Variants in PRKAR1B observed in about 807,000 individuals in gnomAD.
PRKAR1B encodes cAMP-dependent protein kinase type I-beta regulatory subunit.
A neutral mutation model predicts 46.5 loss-of-function variants in PRKAR1B; 22 were observed. That is an observed-to-expected ratio of 0.47 (90% CI 0.34 to 0.68). The LOEUF (loss-of-function observed/expected upper bound fraction) is 0.68. Among genes scored for constraint, PRKAR1B ranks in the 30% least tolerant of loss-of-function variants. PRKAR1B has a pLI of 0.01. For missense variants in PRKAR1B, 445 were observed against 535.6 expected (o/e 0.83, Z 1.67); for synonymous variants, 259 against 217.7 (o/e 1.19, Z -1.67).
At chr7:724,309 G>A (rs908514031) in intron 1 of PRKAR1B, among the ~76,000 whole-genome samples, 1 of 152,172 alleles carries the variant, frequency 6.6e-6, no homozygotes, top group Non-Finnish European at 1.5e-5. Flanking sequence ...CGTGTTGTGG[G>A]AAGGACCCAG....
At chr7:583,941 C>T (rs111510449) in intron 8 of PRKAR1B, among the ~76,000 whole-genome samples, 14,922 of 152,260 alleles carry the variant, frequency 0.098, 929 homozygotes, top group African/African-American at 0.15. Context: ...GCTTCAGCAG[C>T]GTCTTTCCTG....
At chr7:710,114 C>T (rs1780541124) in intron 2 of PRKAR1B, among the ~76,000 whole-genome samples, 1 of 152,168 alleles carries the variant, frequency 6.6e-6, no homozygotes, top group Admixed American at 6.5e-5. Context: ...TATATTCACT[C>T]CTTTGGGTTA....
chr7:706,117 G>A (rs1055209201), intron 2 of PRKAR1B, among the ~76,000 whole-genome samples: 33 of 152,154 alleles, frequency 2.2e-4, no homozygotes, highest in Non-Finnish European at 4.3e-4. Context: ...CTTGAGCTCA[G>A]GAGTTCAAGA....
chr7:690,544 A>T (rs138403501), intron 2 of PRKAR1B, among the ~76,000 whole-genome samples: 1 of 152,330 alleles, frequency 6.6e-6, no homozygotes, highest in African/African-American at 2.4e-5. Flanking sequence ...ATCAGGGTGG[A>T]ATTTCTTCAG....
At chr7:653,762 A>G (rs374423602) in intron 4 of PRKAR1B, among the ~76,000 whole-genome samples, 177 of 152,306 alleles carry the variant, frequency 1.2e-3, no homozygotes, top group African/African-American at 4.2e-3. Flanking sequence ...AAAGCACAAC[A>G]AGAGGCCAAA....
chr7:634,987 C>G (rs1382193859), intron 4 of PRKAR1B, among the ~76,000 whole-genome samples: 1 of 152,194 alleles, frequency 6.6e-6, no homozygotes, highest in African/African-American at 2.4e-5. Flanking sequence ...GTAAAAATAA[C>G]AGTATGCGAA....
chr7:712,287 C>A (rs1373260164), intron 1 of PRKAR1B: 1 of 149,930 alleles, frequency 6.7e-6, no homozygotes, highest in Non-Finnish European at 1.5e-5. Context: ...TGACCGGGAG[C>A]CCCAGGCCCG....
chr7:556,742 A>T (rs1778469942), intron 9 of PRKAR1B, among the ~76,000 whole-genome samples: 1 of 152,022 alleles, frequency 6.6e-6, no homozygotes, highest in Non-Finnish European at 1.5e-5. Flanking sequence ...TCGACCCTCC[A>T]CCTTTAAGGT....
chr7:617,104 C>T (rs1562565911), intron 4 of PRKAR1B, among the ~76,000 whole-genome samples: 1 of 151,520 alleles, frequency 6.6e-6, no homozygotes, highest in African/African-American at 2.4e-5. Context: ...AGCAATTCTC[C>T]TGCCTCAGCC....
At chr7:618,998 C>T (rs1201956322) in intron 4 of PRKAR1B, among the ~76,000 whole-genome samples, 1 of 152,176 alleles carries the variant, frequency 6.6e-6, no homozygotes, top group African/African-American at 2.4e-5. Context: ...TACTCTCCGA[C>T]ATGTCTGCCT....
At position 646,889 on chromosome 7, in the gene PRKAR1B, C is replaced by T. The variant is rs190678166; in HGVS notation, c.440+30340G>A. Among the ~76,000 whole-genome samples, 255 of 152,354 alleles carry T rather than the reference C, an allele frequency of 1.7e-3. 1 individual carries two copies. Among genetic ancestry groups the T allele is most frequent in the Middle Eastern group, 0.01 (3 of 294 alleles). ...AAAGGCCATTAGCTGAGCTCACACC[C>T]GGCAGGATCACAGGCGAAGGGCCCT... is the stretch of plus-strand genomic sequence containing the variant. On this transcript the variant is annotated intron_variant, in intron 4 of 10. Transcript: ENST00000537384.
intron 4 of PRKAR1B, among the ~76,000 whole-genome samples, chr7:651,925 C>G (rs1428629457): frequency 8.5e-5 from 6 of 70,778 alleles, no homozygotes; most frequent in South Asian, 8.5e-4. Context: ...CCTCTCGGAA[C>G]ACAGTTCACA....
rs977279060 is a variant in PRKAR1B at position 666,869 on chromosome 7, A to C, written c.440+10360T>G. Among the ~76,000 whole-genome samples, 4 of 152,216 alleles carry C rather than the reference A, an allele frequency of 2.6e-5. No homozygotes were observed. Among genetic ancestry groups the C allele is most frequent in the Non-Finnish European group, 5.9e-5 (4 of 68,042 alleles). On this transcript the variant is annotated intron_variant, in intron 4 of 10. Transcript: ENST00000537384. The surrounding 1 kb of genome is among the most constrained non-coding windows in gnomAD (Gnocchi z 4.9). Reference sequence around the variant, plus strand: ...CTCCAAGGGGCAAGGCACCATCCAGAAGAAGTACCTTCATGGACTCCACTG... The same window carrying C: ...CTCCAAGGGGCAAGGCACCATCCAGCAGAAGTACCTTCATGGACTCCACTG...
intron 4 of PRKAR1B, among the ~76,000 whole-genome samples, chr7:647,424 A>G (rs1257286809): frequency 2.0e-5 from 3 of 151,470 alleles, no homozygotes; most frequent in Non-Finnish European, 4.4e-5. Context: ...TATGATCCCA[A>G]CACCCCCCAG....
chr7:566,210 C>T (rs1240056851), intron 9 of PRKAR1B, among the ~76,000 whole-genome samples: 1 of 152,142 alleles, frequency 6.6e-6, no homozygotes, highest in Non-Finnish European at 1.5e-5. Context: ...TGGCCATCTT[C>T]ACCATGACCA....
At chr7:707,382 C>T (rs1040327518) in intron 2 of PRKAR1B, among the ~76,000 whole-genome samples, 3 of 152,158 alleles carry the variant, frequency 2.0e-5, no homozygotes, top group African/African-American at 7.2e-5. Context: ...GTCGGCAACC[C>T]TTTCGACAAA....
intron 4 of PRKAR1B, among the ~76,000 whole-genome samples, chr7:621,175 T>C (rs1783091420): frequency 6.6e-6 from 1 of 152,206 alleles, no homozygotes; most frequent in African/African-American, 2.4e-5. Flanking sequence ...TGTTTTCTAT[T>C]TTCTGTAGCA....
Position 589,514 on chromosome 7 carries a change from C to T in PRKAR1B, c.709-4946G>A, listed in dbSNP as rs531858694. Reference sequence around the variant, plus strand: ...TGCTCCCCAGCAATCAGGCACCTCCCGAGATCCACACTTTCAGCTGAGCCT... The same window carrying T: ...TGCTCCCCAGCAATCAGGCACCTCCTGAGATCCACACTTTCAGCTGAGCCT... On this transcript the variant is annotated intron_variant, in intron 7 of 10. Coordinates refer to ENST00000537384, the MANE Select transcript of PRKAR1B (RefSeq NM_001164760.2). Among the ~76,000 whole-genome samples, 10 of 152,188 alleles carry T rather than the reference C, an allele frequency of 6.6e-5. No individual in the cohort carries two copies. In the South Asian group the frequency reaches 8.3e-4, roughly 13 times the overall value.
intron 4 of PRKAR1B, among the ~76,000 whole-genome samples, chr7:660,469 G>C (rs1390518782): frequency 7.4e-4 from 42 of 56,580 alleles, no homozygotes; most frequent in Middle Eastern, 0.014. Context: ...TACCTACTCT[G>C]CCCCCAATGC....
Sources: allele counts gnomAD v4.1 joint callset (sites outside exome capture counted in the v4.1 genomes callset), GRCh38; gene constraint gnomAD v4.1.1; non-coding constraint Gnocchi (gnomAD v3.1); transcripts MANE v1.5; gene names NCBI Gene and HGNC (gene_info 2026-07-23, HGNC 2026-07-21).